The following UBP1 variants were observed in gnomAD, a reference collection of about 807,000 sequenced individuals.
UBP1 encodes the protein upstream-binding protein 1.
In UBP1, 22 loss-of-function variants were observed where a neutral mutation model predicts 76.1. That is an observed-to-expected ratio of 0.29 (90% CI 0.21 to 0.41). The LOEUF (loss-of-function observed/expected upper bound fraction) is 0.41. Ranked by LOEUF, UBP1 falls within the 10% of genes least tolerant of loss-of-function variation. The pLI, the probability that UBP1 is intolerant of heterozygous loss-of-function variation, is 1.00. For synonymous variants in UBP1, 224 were observed against 237.1 expected (o/e 0.94, Z 0.51); for missense variants, 436 against 668.1 (o/e 0.65, Z 3.83).
chr3:33,420,889 G>C (rs2154058727), intron 2 of UBP1, among the ~76,000 whole-genome samples: 1 of 152,310 alleles, frequency 6.6e-6, no homozygotes, highest in East Asian at 1.9e-4. Flanking sequence ...TCCCAAAAAT[G>C]CTGGGATTAC....
In UBP1 at chr3:33,439,896, G is replaced by A. The variant is rs200805951; in HGVS notation, c.-48C>T. 204 of 1,603,304 alleles carry A rather than the reference G, an allele frequency of 1.3e-4. 1 individual carries two copies. In the East Asian group the frequency reaches 3.7e-3, roughly 29 times the overall value. On this transcript the variant is annotated 5_prime_UTR_variant, in exon 1 of 16. Transcript: ENST00000283629. ...GCACACCGCGGCCTCCGCGTCCAGG[G>A]CGAAGGAGCCGGAGCTCCGCTGGCG... is the stretch of plus-strand genomic sequence containing the variant.
At chr3:33,412,610 A>T in intron 4 of UBP1, 112 bp downstream of exon 4, 1 of 730,776 alleles carries the variant, frequency 1.4e-6, no homozygotes, top group South Asian at 1.8e-5. Flanking sequence ...CACAAAATCC[A>T]CAAACACCAA....
rs61654235 is a variant in UBP1, at chr3:33,395,750, GAAAAA to G, written c.1390+407_1390+411del. 5.4e-3 allele frequency among the ~76,000 whole-genome samples: 374 copies of G among 69,806 alleles called. 2 individuals carry two copies. Among genetic ancestry groups the G allele is most frequent in the African/African-American group, 0.021 (333 of 15,998 alleles). The allele number at this position is 69,806 out of a possible 152,430, so 45.8% of individuals were successfully genotyped here. On this transcript the variant is annotated intron_variant, in intron 13 of 15. Coordinates refer to ENST00000283629, the MANE Select transcript of UBP1 (RefSeq NM_014517.5). ...CTCCCCATACCTAGTCAGGAAAATTGAAAAAAAAAAAAAAAAAAAAAAAGAAAAAG... is the reference window on the plus strand; with the variant it reads ...CTCCCCATACCTAGTCAGGAAAATTGAAAAAAAAAAAAAAAAAAGAAAAAG...
rs17030552 is a variant in UBP1 at position 33,388,966 on chromosome 3, T to A, written c.*1365A>T. The A allele has an allele frequency of 6.6e-6, 1 of 152,054 alleles. No individual in the cohort carries two copies. The highest frequency in any genetic ancestry group is 2.4e-5 in the African/African-American group (1 of 41,368). The allele number at this position is 152,054 out of a possible 1,614,324, so 9.4% of individuals were successfully genotyped here. A position where few individuals can be genotyped will look rare whatever the true frequency, so the allele number is the denominator to read the frequency against. On this transcript the variant is annotated 3_prime_UTR_variant, in exon 16 of 16. Transcript: ENST00000283629. ...ACATTCAAATCAGGACACCTGGGTA[T>A]ATGGACAAAGATATCCTACAATTAA...
Position 33,417,681 on chromosome 3 carries a change from C to CA in UBP1, c.266-848dup, listed in dbSNP as rs896083307. On this transcript the variant is annotated intron_variant, in intron 2 of 15. Transcript: ENST00000283629. ...AAATTAATAATGTACTCCAAATCCA[C>CA]AAAAAATGATTTCTGGATTATCTGT... is the stretch of plus-strand genomic sequence containing the variant. Among the ~76,000 whole-genome samples, 22 of 152,016 alleles carry CA rather than the reference C, an allele frequency of 1.4e-4. 1 individual carries two copies. The highest frequency in any genetic ancestry group is 4.4e-5 in the Non-Finnish European group (3 of 67,998).
intron 8 of UBP1, among the ~76,000 whole-genome samples, chr3:33,404,047 G>A (rs1278902294): frequency 6.6e-6 from 1 of 152,186 alleles, no homozygotes; most frequent in Non-Finnish European, 1.5e-5. Context: ...GATAGCTTGA[G>A]CCCAGGAGTT....
intron 9 of UBP1, among the ~76,000 whole-genome samples, chr3:33,401,345 T>A (rs773029545): frequency 1.3e-5 from 2 of 152,060 alleles, no homozygotes; most frequent in Admixed American, 1.3e-4. Flanking sequence ...TTTTAAAAGT[T>A]AGGGGAAAAA....
chr3:33,411,183 C>T (rs527352671), intron 5 of UBP1, among the ~76,000 whole-genome samples: 1 of 151,962 alleles, frequency 6.6e-6, no homozygotes, highest in East Asian at 1.9e-4. Context: ...CATTATTATC[C>T]TATTTGTAGA....
Position 33,393,573 on chromosome 3 carries a change from AC to A in UBP1, c.1391-120del, listed in dbSNP as rs1449621114. ...TTCAAAGTACCAAAAAAGTAAAAAA[AC>A]ATTTTAAATGGGAATAAACTATTTC... On this transcript the variant is annotated intron_variant, in intron 13 of 15. Transcript: ENST00000283629. The A allele has an allele frequency of 1.8e-5, 17 of 942,032 alleles. No individual in the cohort carries two copies. In the Admixed American group the frequency reaches 2.9e-4, roughly 16 times the overall value. 58.4% of individuals were successfully genotyped at this position (942,032 alleles called of 1,614,324 possible). A position where few individuals can be genotyped will look rare whatever the true frequency, so the allele number is the denominator to read the frequency against.
At chr3:33,404,753 T>C (rs1049208015) in intron 8 of UBP1, among the ~76,000 whole-genome samples, 5 of 152,326 alleles carry the variant, frequency 3.3e-5, no homozygotes, top group East Asian at 3.9e-4. Context: ...GATGGACCTA[T>C]TGTCAACTGA....
At chr3:33,422,071 A>G (rs2044909729) in intron 2 of UBP1, among the ~76,000 whole-genome samples, 1 of 152,192 alleles carries the variant, frequency 6.6e-6, no homozygotes. Flanking sequence ...AAAATTAAAA[A>G]GAAAAAGAAA....
chr3:33,440,002 G>A lies in UBP1; in HGVS notation c.-154C>T. ...CGGCGGCCGGGACGAGAGCTGCGGG[G>A]GCCCCACTGGCAGGGCACGACGAGC... On this transcript the variant is annotated 5_prime_UTR_variant, in exon 1 of 16. Transcript: ENST00000283629. 1 of 705,956 alleles carries A rather than the reference G, an allele frequency of 1.4e-6. No individual in the cohort carries two copies. Among genetic ancestry groups the A allele is most frequent in the South Asian group, 2.1e-5 (1 of 47,474 alleles). The allele number at this position is 705,956 out of a possible 1,614,324, so 43.7% of individuals were successfully genotyped here. A position where few individuals can be genotyped will look rare whatever the true frequency, so the allele number is the denominator to read the frequency against.
chr3:33,409,689 C>G (rs754160210), intron 5 of UBP1, 88 bp from the exon 6 acceptor site: 6 of 1,508,254 alleles, frequency 4.0e-6, no homozygotes, highest in Non-Finnish European at 5.5e-6. Context: ...CCTGACACCA[C>G]TATAAATTCA....
In UBP1 at chr3:33,393,471, A is replaced by G. The variant is rs1559664142; in HGVS notation, c.1391-17T>C. 5.6e-6 allele frequency: 9 copies of G among 1,595,440 alleles called. No individual in the cohort carries two copies. Among genetic ancestry groups the G allele is most frequent in the East Asian group, 2.2e-5 (1 of 44,716 alleles). ...CATGATAAACTGAAATTAAAAAAAAAAAAAGAAAAGCATTTTAACAGTAAT... is the reference window on the plus strand; with the variant it reads ...CATGATAAACTGAAATTAAAAAAAAGAAAAGAAAAGCATTTTAACAGTAAT... On this transcript the variant is annotated splice_polypyrimidine_tract_variant and intron_variant, in intron 13 of 15. Coordinates refer to ENST00000283629, the MANE Select transcript of UBP1 (RefSeq NM_014517.5).
chr3:33,434,576 T>C (rs1351489539), intron 1 of UBP1, among the ~76,000 whole-genome samples: 1 of 151,956 alleles, frequency 6.6e-6, no homozygotes, highest in East Asian at 1.9e-4. Flanking sequence ...CGTGAGCCAC[T>C]GCGCTCGGTG....
At chr3:33,434,980 C>T (rs1364305943) in intron 1 of UBP1, among the ~76,000 whole-genome samples, 1 of 152,030 alleles carries the variant, frequency 6.6e-6, no homozygotes, top group Non-Finnish European at 1.5e-5. Context: ...CCATGGCGCC[C>T]GATCTGGTTT....
intron 1 of UBP1, among the ~76,000 whole-genome samples, chr3:33,427,890 A>T (rs2045045907): frequency 6.6e-6 from 1 of 152,186 alleles, no homozygotes; most frequent in Non-Finnish European, 1.5e-5. Context: ...GCAGATATAA[A>T]AACTTTTCAG....
intron 1 of UBP1, among the ~76,000 whole-genome samples, chr3:33,428,086 G>A (rs529139591): frequency 1.1e-3 from 159 of 146,696 alleles, no homozygotes; most frequent in African/African-American, 3.4e-3. Context: ...GAAGGCTGAG[G>A]CAAGAGAATT....
rs1410416152 is a variant in UBP1, at chr3:33,393,472, AAAAG to A, written c.1391-22_1391-19del. The A allele has an allele frequency of 6.3e-7, 1 of 1,595,216 alleles. No homozygotes were observed. Among genetic ancestry groups the A allele is most frequent in the Non-Finnish European group, 8.5e-7 (1 of 1,174,352 alleles). On this transcript the variant is annotated intron_variant, in intron 13 of 15. Coordinates refer to ENST00000283629, the MANE Select transcript of UBP1 (RefSeq NM_014517.5). The stretch of plus-strand genomic sequence containing the variant: ...ATGATAAACTGAAATTAAAAAAAAA[AAAAG>A]AAAAGCATTTTAACAGTAATCTTTG...
Sources: allele counts gnomAD v4.1 joint callset (sites outside exome capture counted in the v4.1 genomes callset), GRCh38; gene constraint gnomAD v4.1.1; transcripts MANE v1.5; gene names NCBI Gene and HGNC (gene_info 2026-07-23, HGNC 2026-07-21).